The following PPIL4 variants were observed in gnomAD, a reference collection of about 807,000 sequenced individuals.
The protein encoded by PPIL4 is peptidyl-prolyl cis-trans isomerase-like 4.
Under a neutral mutation model 69.1 loss-of-function variants are expected in PPIL4, and 50 were observed. The ratio of observed to expected loss-of-function variants is 0.72; its 90% CI spans 0.58 to 0.92. The LOEUF is 0.92. PPIL4 is among the 40% of genes least tolerant of loss of function. The probability of loss-of-function intolerance (pLI) is 0.00; values close to 1 mark genes in which losing one functional copy is unlikely to be tolerated. For synonymous variants in PPIL4, 193 were observed against 191.6 expected, an observed-to-expected ratio of 1.01 and a Z score of -0.06; for missense variants, 480 against 587.9, an observed-to-expected ratio of 0.82 and a Z score of 1.90.
At chr6:149,530,556 G>C (rs1324170976) in intron 7 of PPIL4, among the ~76,000 whole-genome samples, 1 of 152,046 alleles carries the variant, frequency 6.6e-6, no homozygotes, top group Non-Finnish European at 1.5e-5. Flanking sequence ...CTACCCAGGA[G>C]GCTGAGGCAG....
At chr6:149,545,085 C>G (rs1447067450) in intron 1 of PPIL4, among the ~76,000 whole-genome samples, 1 of 152,142 alleles carries the variant, frequency 6.6e-6, no homozygotes, top group African/African-American at 2.4e-5. Context: ...CACGACTGAC[C>G]TAGGCGTATC....
intron 7 of PPIL4, among the ~76,000 whole-genome samples, chr6:149,531,245 A>G (rs1362010921): frequency 2.0e-5 from 3 of 151,708 alleles, no homozygotes; most frequent in Non-Finnish European, 2.9e-5. Context: ...GGCGCCTGTA[A>G]TCCCAGCTAC....
intron 10 of PPIL4, among the ~76,000 whole-genome samples, chr6:149,520,515 A>C (rs1777012756): frequency 6.6e-6 from 1 of 152,198 alleles, no homozygotes; most frequent in Admixed American, 6.5e-5. Context: ...TAATATAGTC[A>C]AACATAGAAA....
At chr6:149,541,497 T>C (rs1777361697) in intron 2 of PPIL4, 22 bp downstream of exon 2, 2 of 1,529,144 alleles carry the variant, frequency 1.3e-6, no homozygotes, top group Admixed American at 1.7e-5. Flanking sequence ...ACAAAGGAAA[T>C]GACTAATATC....
intron 10 of PPIL4, among the ~76,000 whole-genome samples, chr6:149,518,591 C>A (rs1776981621): frequency 1.3e-5 from 2 of 152,150 alleles, no homozygotes; most frequent in South Asian, 4.1e-4. Context: ...TCCAGAGACT[C>A]CAGAAACAAA....
At chr6:149,505,981 AC>A (rs1381125463) in intron 12 of PPIL4, among the ~76,000 whole-genome samples, 1 of 152,256 alleles carries the variant, frequency 6.6e-6, no homozygotes, top group Admixed American at 6.5e-5. Context: ...TGAAATCAGA[AC>A]ATGTCTCTAG....
At chr6:149,513,862 A>G (rs959860780) in intron 11 of PPIL4, among the ~76,000 whole-genome samples, 11 of 152,234 alleles carry the variant, frequency 7.2e-5, no homozygotes, top group Non-Finnish European at 1.5e-4. Flanking sequence ...TAAAAGAGTT[A>G]CGATTTCTGC....
intron 6 of PPIL4, 108 bp from the exon 7 acceptor site, chr6:149,533,682 C>G: frequency 1.6e-6 from 1 of 641,488 alleles, no homozygotes; most frequent in Non-Finnish European, 2.6e-6. Context: ...AAAACAGTAA[C>G]TGATCAAGGT....
chr6:149,537,125 CAAA>C (rs767886058), intron 4 of PPIL4, among the ~76,000 whole-genome samples: 4 of 91,478 alleles, frequency 4.4e-5, no homozygotes, highest in African/African-American at 7.8e-5. Context: ...GAATCTGTCT[CAAA>C]AAAAAAAAAA....
rs769661736 is a variant in PPIL4, at chr6:149,517,413, T to C, written c.1020A>G (p.Glu340=). The C allele has an allele frequency of 6.2e-7, 1 of 1,606,136 alleles. No individual in the cohort carries two copies. The highest frequency in any genetic ancestry group is 8.5e-7 in the Non-Finnish European group (1 of 1,174,790). ...KYTKSDFKEY[E]KEQDKPPNLV... ...AATTAGGTGGTTTATCCTGTTCTTT[T>C]TCATACTCCTTGAAATCACTCTTGG... The change falls in exon 11 of 13, where the codon GAA becomes GAG. Residue 340 remains glutamate, a synonymous_variant. Coordinates refer to ENST00000253329, the MANE Select transcript of PPIL4 (RefSeq NM_139126.4).
intron 4 of PPIL4, among the ~76,000 whole-genome samples, chr6:149,537,429 C>T (rs149785992): frequency 0.011 from 1,645 of 152,224 alleles, 31 homozygotes; most frequent in African/African-American, 0.038. Context: ...CTAAATCGGC[C>T]GGGCGCGGTG....
intron 8 of PPIL4, among the ~76,000 whole-genome samples, chr6:149,526,100 AAAAAATAAAC>A (rs1436957179): frequency 6.6e-6 from 1 of 152,174 alleles, no homozygotes; most frequent in African/African-American, 2.4e-5. Flanking sequence ...CTCCATGTCA[AAAAAATAAAC>A]AAAAATAAAT....
chr6:149,529,353 G>C (rs1357175809), intron 7 of PPIL4, among the ~76,000 whole-genome samples: 1 of 152,094 alleles, frequency 6.6e-6, no homozygotes, highest in Non-Finnish European at 1.5e-5. Context: ...AGCTACTTGT[G>C]AGGCTGAGGT....
At chr6:149,542,443 C>G (rs1291459876) in intron 1 of PPIL4, among the ~76,000 whole-genome samples, 1 of 152,148 alleles carries the variant, frequency 6.6e-6, no homozygotes, top group Non-Finnish European at 1.5e-5. Flanking sequence ...GTGGTCCCTG[C>G]TCCCAAAAAG....
At chr6:149,531,756 G>A (rs1048540257) in intron 7 of PPIL4, among the ~76,000 whole-genome samples, 6 of 151,896 alleles carry the variant, frequency 4.0e-5, no homozygotes, top group African/African-American at 1.5e-4. Flanking sequence ...AGCAACTTTC[G>A]CCTGCTGGGT....
intron 12 of PPIL4, among the ~76,000 whole-genome samples, chr6:149,511,047 G>A (rs1776833871): frequency 6.6e-6 from 1 of 151,948 alleles, no homozygotes; most frequent in Non-Finnish European, 1.5e-5. Flanking sequence ...TAGCTCTCCT[G>A]ACAGCAAATC....
rs192315476 is a variant in PPIL4 at position 149,520,828 on chromosome 6, C to T, written c.982+232G>A. 1.6e-3 allele frequency among the ~76,000 whole-genome samples: 238 copies of T among 152,200 alleles called. 1 individual carries two copies. Among genetic ancestry groups the T allele is most frequent in the African/African-American group, 5.4e-3 (223 of 41,532 alleles). On this transcript the variant is annotated intron_variant, in intron 10 of 12. Transcript: ENST00000253329. Reference sequence around the variant, plus strand: ...AGGAGTTCGAGACCAGCCTGGCCAACGTGGTGAAACCCCATCTCTACTAAA... The same window carrying T: ...AGGAGTTCGAGACCAGCCTGGCCAATGTGGTGAAACCCCATCTCTACTAAA...
chr6:149,543,332 C>A (rs1171121799), intron 1 of PPIL4, among the ~76,000 whole-genome samples: 3 of 152,028 alleles, frequency 2.0e-5, no homozygotes, highest in Non-Finnish European at 2.9e-5. Flanking sequence ...AATAATCAGT[C>A]GAATCCAAAC....
At chr6:149,516,047 A>G (rs1776938956) in intron 11 of PPIL4, among the ~76,000 whole-genome samples, 1 of 152,238 alleles carries the variant, frequency 6.6e-6, no homozygotes, top group African/African-American at 2.4e-5. Flanking sequence ...TCAAAAGGCT[A>G]GAAGCTACAC....
Sources: allele counts gnomAD v4.1 joint callset (sites outside exome capture counted in the v4.1 genomes callset), GRCh38; gene constraint gnomAD v4.1.1; transcripts MANE v1.5; gene names NCBI Gene and HGNC (gene_info 2026-07-23, HGNC 2026-07-21).